SCAPER: variants seen among roughly 807,000 people sequenced by gnomAD.
SCAPER encodes the protein S phase cyclin A-associated protein in the endoplasmic reticulum.
A neutral mutation model predicts 182.2 loss-of-function variants in SCAPER; 98 were observed. That is an observed-to-expected ratio of 0.54 (90% CI 0.46 to 0.64). The LOEUF is 0.64. Among genes scored for constraint, SCAPER ranks in the 30% least tolerant of loss-of-function variants. The probability of loss-of-function intolerance (pLI) is 0.00; values close to 1 mark genes in which losing one functional copy is unlikely to be tolerated. For synonymous variants in SCAPER, 605 were observed against 564.6 expected (o/e 1.07, Z -1.01); for missense variants, 1,432 against 1,690.0 (o/e 0.85, Z 2.68).
intron 17 of SCAPER, among the ~76,000 whole-genome samples, chr15:76,722,839 T>C (rs1257037359): frequency 1.3e-5 from 2 of 152,218 alleles, no homozygotes; most frequent in Admixed American, 6.5e-5. Context: ...TTAGTCTTGC[T>C]AGCAGTCTAT....
chr15:76,461,330 CTTTT>C (rs58709477), intron 25 of SCAPER, among the ~76,000 whole-genome samples: 8 of 143,268 alleles, frequency 5.6e-5, no homozygotes, highest in African/African-American at 1.5e-4. Context: ...TATTACCCAA[CTTTT>C]TTTTTTTTTT....
At chr15:76,538,742 T>C (rs1249972275) in intron 23 of SCAPER, among the ~76,000 whole-genome samples, 2 of 151,342 alleles carry the variant, frequency 1.3e-5, no homozygotes, top group Middle Eastern at 3.2e-3. Flanking sequence ...AAGAAAAAAA[T>C]AGTAAAATGC....
chr15:76,835,210 T>C (rs2068825715), intron 5 of SCAPER, among the ~76,000 whole-genome samples: 1 of 151,662 alleles, frequency 6.6e-6, no homozygotes. Flanking sequence ...AAATAAAATG[T>C]CTAGGAATAA....
rs990313004 is a variant in SCAPER, at chr15:76,787,450, C to A, written c.772+7830G>T. Reference sequence around the variant, plus strand: ...CCAAGGCTGGAATGCGGCGATCCTCCAGAGCAGCTGGGACCACAAACACAT... The same window carrying A: ...CCAAGGCTGGAATGCGGCGATCCTCAAGAGCAGCTGGGACCACAAACACAT... On this transcript the variant is annotated intron_variant, in intron 8 of 31. Coordinates refer to ENST00000563290, the MANE Select transcript of SCAPER (RefSeq NM_020843.4). Among the ~76,000 whole-genome samples the A allele has an allele frequency of 2.6e-5, 4 of 152,224 alleles. No homozygotes were observed. In the East Asian group the frequency reaches 7.7e-4, roughly 29 times the overall value.
chr15:76,456,790 A>G (rs2048769690), intron 25 of SCAPER, among the ~76,000 whole-genome samples: 1 of 152,182 alleles, frequency 6.6e-6, no homozygotes, highest in Non-Finnish European at 1.5e-5. Context: ...ATTTTGTAGT[A>G]TACACATTTA....
Position 76,879,208 on chromosome 15 carries a change from T to C in SCAPER, c.6+4604A>G, listed in dbSNP as rs73455391. 6.7e-3 allele frequency among the ~76,000 whole-genome samples: 1,013 copies of C among 152,304 alleles called. 13 individuals carry two copies. Among genetic ancestry groups the C allele is most frequent in the African/African-American group, 0.023 (967 of 41,554 alleles). On this transcript the variant is annotated intron_variant, in intron 2 of 31. Transcript: ENST00000563290. The stretch of plus-strand genomic sequence containing the variant: ...AGGACATTTACACAGAATTCTTCCT[T>C]CTGTATGGAATAGCCTGCCCCTCTA...
rs1399277216 is a variant in SCAPER at position 76,592,655 on chromosome 15, C to T, written c.2712-18371G>A. Among the ~76,000 whole-genome samples the T allele has an allele frequency of 1.3e-4, 16 of 122,720 alleles. 5 individuals are homozygous for T. Among genetic ancestry groups the T allele is most frequent in the Non-Finnish European group, 1.8e-4 (9 of 50,314 alleles). 80.5% of individuals were successfully genotyped at this position (122,720 alleles called of 152,430 possible). On this transcript the variant is annotated intron_variant, in intron 22 of 31. Coordinates refer to ENST00000563290, the MANE Select transcript of SCAPER (RefSeq NM_020843.4). ...TCACTGGGACTGGTTAGACAGTGGG[C>T]GCAGCCCATGGAGGGTCAGCCAAAG...
intron 22 of SCAPER, among the ~76,000 whole-genome samples, chr15:76,614,868 T>C (rs2051309845): frequency 6.6e-6 from 1 of 152,186 alleles, no homozygotes; most frequent in Non-Finnish European, 1.5e-5. Flanking sequence ...GACAAACCTT[T>C]AGCTAGATTG....
intron 15 of SCAPER, among the ~76,000 whole-genome samples, chr15:76,751,873 A>G (rs1330132019): frequency 6.6e-6 from 1 of 151,788 alleles, no homozygotes; most frequent in Non-Finnish European, 1.5e-5. Context: ...AAAAAAACAG[A>G]CAAATTGGAC....
rs555959058 is a variant in SCAPER, at chr15:76,612,415, T to C, written c.2711+9349A>G. On this transcript the variant is annotated intron_variant, in intron 22 of 31. Transcript: ENST00000563290. ...CCATGTCTGGCTAATTTTTTTGTAT[T>C]TTTAGTAGAGAAAGGGTTTTGCTAT... is the stretch of plus-strand genomic sequence containing the variant. Among the ~76,000 whole-genome samples, 4 of 152,232 alleles carry C rather than the reference T, an allele frequency of 2.6e-5. No individual in the cohort carries two copies. In the South Asian group the frequency reaches 8.3e-4, roughly 32 times the overall value.
chr15:76,905,335 C>A lies in SCAPER; in HGVS notation c.-96G>T. The A allele has an allele frequency of 1.3e-5, 3 of 237,154 alleles. No individual in the cohort carries two copies. Among genetic ancestry groups the A allele is most frequent in the Admixed American group, 6.0e-5 (1 of 16,684 alleles). 14.7% of individuals were successfully genotyped at this position (237,154 alleles called of 1,614,324 possible). ...CTGCTTAGTTCGGGGCGGCTCAAAG[C>A]GTCCCGCCGGGAAAGGGGCGTGACG... On this transcript the variant is annotated 5_prime_UTR_variant, in exon 1 of 32. Coordinates refer to ENST00000563290, the MANE Select transcript of SCAPER (RefSeq NM_020843.4).
At position 76,781,963 on chromosome 15, in the gene SCAPER, G is replaced by C. The variant is rs540105042; in HGVS notation, c.773-6846C>G. Among the ~76,000 whole-genome samples, 50 of 152,266 alleles carry C rather than the reference G, an allele frequency of 3.3e-4. No homozygotes were observed. The East Asian group carries it at 8.3e-3, about 25-fold the overall frequency. On this transcript the variant is annotated intron_variant, in intron 8 of 31. Transcript: ENST00000563290. The stretch of plus-strand genomic sequence containing the variant: ...CAAATGGTAAAGACCATGGATACTA[G>C]GAAGAAACTGCATCAATTCACGGGC...
chr15:76,735,737 A>G (rs1158005091), intron 15 of SCAPER, among the ~76,000 whole-genome samples: 2 of 152,046 alleles, frequency 1.3e-5, no homozygotes, highest in Non-Finnish European at 2.9e-5. Flanking sequence ...ATAAGAAAAG[A>G]AAATAACCTA....
chr15:76,813,908 C>T (rs918912229), intron 5 of SCAPER, among the ~76,000 whole-genome samples: 4 of 152,130 alleles, frequency 2.6e-5, no homozygotes, highest in African/African-American at 9.7e-5. Flanking sequence ...TCGCTCACAC[C>T]CGTAATCCTA....
chr15:76,808,436 C>G (rs1211386482), intron 5 of SCAPER, among the ~76,000 whole-genome samples: 1 of 152,202 alleles, frequency 6.6e-6, no homozygotes, highest in Admixed American at 6.5e-5. Flanking sequence ...TCCTAAATCA[C>G]CTAGCCCTGG....
At position 76,841,796 on chromosome 15, in the gene SCAPER, G is replaced by A. The variant is rs777282101; in HGVS notation, c.331C>T (p.Arg111Cys). 1.1e-5 allele frequency: 17 copies of A among 1,613,774 alleles called. No individual in the cohort carries two copies. Among genetic ancestry groups the A allele is most frequent in the Admixed American group, 3.3e-5 (2 of 59,940 alleles). The change falls in exon 5 of 32, where the codon CGC (arginine) becomes TGC (cysteine). Residue 111 changes from arginine (R) to cysteine (C), a missense_variant. Coordinates refer to ENST00000563290, the MANE Select transcript of SCAPER (RefSeq NM_020843.4). ...ACATAGATTTCATCTACTGCTCGGC[G>A]AAGATTATCAAAAAGAAATGCCCAG... Reference protein sequence around the residue: ...RYWAFLFDNLRRAVDEIYVTC... With the variant: ...RYWAFLFDNLCRAVDEIYVTC...
intron 17 of SCAPER, among the ~76,000 whole-genome samples, chr15:76,713,651 G>C (rs994928544): frequency 6.6e-6 from 1 of 151,876 alleles, no homozygotes; most frequent in Non-Finnish European, 1.5e-5. Flanking sequence ...AGAGGGGAGG[G>C]ATAGCATTAG....
Position 76,651,055 on chromosome 15 carries a change from TA to T in SCAPER, c.2645+14597del, listed in dbSNP as rs147253255. On this transcript the variant is annotated intron_variant, in intron 21 of 31. Transcript: ENST00000563290. ...GTGATAGCTATAATTACATATATTA[TA>T]AAAAAAGAGCTTTCAAATCAATAAT... 7.1e-3 allele frequency among the ~76,000 whole-genome samples: 1,083 copies of T among 151,848 alleles called. 15 individuals are homozygous for T. The highest frequency in any genetic ancestry group is 0.024 in the African/African-American group (1,013 of 41,456).
At chr15:76,495,640 C>G (rs927389343) in intron 24 of SCAPER, among the ~76,000 whole-genome samples, 1 of 146,602 alleles carries the variant, frequency 6.8e-6, no homozygotes, top group African/African-American at 2.5e-5. Context: ...AAATGTGCAT[C>G]TGGTACTTGA....
Sources: allele counts gnomAD v4.1 joint callset (sites outside exome capture counted in the v4.1 genomes callset), GRCh38; gene constraint gnomAD v4.1.1; transcripts MANE v1.5; gene names NCBI Gene and HGNC (gene_info 2026-07-23, HGNC 2026-07-21).